Variants in IQGAP2 observed in about 807,000 individuals in gnomAD.
The protein encoded by IQGAP2 is ras GTPase-activating-like protein IQGAP2.
In IQGAP2, 173 loss-of-function variants were observed where a neutral mutation model predicts 201.3. The observed-to-expected ratio is 0.86, with a 90% CI of 0.76 to 0.98. The LOEUF (loss-of-function observed/expected upper bound fraction) is 0.98, where lower values mean the gene tolerates loss of function less well. IQGAP2 is among the 50% of genes least tolerant of loss of function. The pLI, the probability that IQGAP2 is intolerant of heterozygous loss-of-function variation, is 0.00. For missense variants in IQGAP2, 1,687 were observed against 1,864.8 expected (o/e 0.90, Z 1.76); for synonymous variants, 675 against 673.9 (o/e 1.00, Z -0.03).
chr5:76,573,770 C>A (rs1745280487), intron 4 of IQGAP2, among the ~76,000 whole-genome samples: 1 of 150,976 alleles, frequency 6.6e-6, no homozygotes, highest in Admixed American at 6.6e-5. Flanking sequence ...CTCCACCATG[C>A]CCAGCTATTT....
intron 2 of IQGAP2, among the ~76,000 whole-genome samples, chr5:76,539,039 A>C (rs1759782133): frequency 6.6e-6 from 1 of 152,172 alleles, no homozygotes; most frequent in South Asian, 2.1e-4. Context: ...GCCTGTGCAA[A>C]GGACAGCAGT....
At chr5:76,584,426 GAAAC>G (rs1484881949) in intron 5 of IQGAP2, among the ~76,000 whole-genome samples, 1 of 152,160 alleles carries the variant, frequency 6.6e-6, no homozygotes, top group East Asian at 1.9e-4. Context: ...GATTGACTGA[GAAAC>G]AAACTGGGAG....
At chr5:76,421,822 C>T (rs559799779) in intron 1 of IQGAP2, among the ~76,000 whole-genome samples, 54 of 152,228 alleles carry the variant, frequency 3.5e-4, no homozygotes, top group South Asian at 1.9e-3. Context: ...AACAGGCTGC[C>T]TCTTGGGGCA....
intron 2 of IQGAP2, among the ~76,000 whole-genome samples, chr5:76,557,085 A>ACTC (rs1744001635): frequency 6.6e-6 from 1 of 151,856 alleles, no homozygotes; most frequent in African/African-American, 2.4e-5. Flanking sequence ...AAGCCGTGGA[A>ACTC]CTCTACCGCT....
At chr5:76,468,108 A>G (rs1754884646) in intron 2 of IQGAP2, among the ~76,000 whole-genome samples, 1 of 152,232 alleles carries the variant, frequency 6.6e-6, no homozygotes, top group African/African-American at 2.4e-5. Context: ...TGTATGGTAT[A>G]TAAGTTGTAT....
chr5:76,690,306 A>G (rs2150530987), intron 30 of IQGAP2, among the ~76,000 whole-genome samples: 1 of 152,334 alleles, frequency 6.6e-6, no homozygotes, highest in South Asian at 2.1e-4. Context: ...TCACTTGGAA[A>G]AAGGAAAGAT....
intron 1 of IQGAP2, among the ~76,000 whole-genome samples, chr5:76,460,354 G>A (rs948312725): frequency 6.6e-6 from 1 of 152,156 alleles, no homozygotes; most frequent in Non-Finnish European, 1.5e-5. Context: ...CCTGGAACAC[G>A]GTGCTGCCTG....
At chr5:76,625,363 G>A (rs1026867536) in intron 13 of IQGAP2, among the ~76,000 whole-genome samples, 1 of 152,170 alleles carries the variant, frequency 6.6e-6, no homozygotes. Flanking sequence ...AACTCATAGA[G>A]CTTAGTTTTT....
intron 28 of IQGAP2, among the ~76,000 whole-genome samples, chr5:76,681,013 C>T (rs1580805725): frequency 7.4e-6 from 1 of 135,988 alleles, no homozygotes; most frequent in African/African-American, 2.8e-5. Flanking sequence ...GGCTGAGGCA[C>T]GAGAGTCACT....
chr5:76,626,250 T>C (rs1750211474), intron 13 of IQGAP2, among the ~76,000 whole-genome samples: 1 of 137,514 alleles, frequency 7.3e-6, no homozygotes, highest in Non-Finnish European at 1.5e-5. Context: ...TATAATTCTT[T>C]TTCTTTTTTT....
At chr5:76,599,637 C>T (rs1210936914) in intron 10 of IQGAP2, among the ~76,000 whole-genome samples, 1 of 151,952 alleles carries the variant, frequency 6.6e-6, no homozygotes, top group African/African-American at 2.4e-5. Flanking sequence ...CCCTTCTTCC[C>T]ATTTGCTTTG....
At position 76,698,037 on chromosome 5, in the gene IQGAP2, A is replaced by G. The variant is rs1256062142; in HGVS notation, c.4257A>G (p.Ala1419=). 1.2e-6 allele frequency: 2 copies of G among 1,613,346 alleles called. No individual in the cohort carries two copies. The highest frequency in any genetic ancestry group is 2.7e-5 in the African/African-American group (2 of 74,920). The change falls in exon 33 of 36, where the codon GCA becomes GCG. Residue 1419 remains alanine (A), a synonymous_variant. Coordinates refer to ENST00000274364, the MANE Select transcript of IQGAP2 (RefSeq NM_006633.5). ...IYRKLRKAEL[A]KLQQTLNALN... Reference sequence around the variant, plus strand: ...GTAAGCTTCGAAAAGCTGAATTGGCAAAACTTCAGCAGACCCTGAATGCAC... The same window carrying G: ...GTAAGCTTCGAAAAGCTGAATTGGCGAAACTTCAGCAGACCCTGAATGCAC...
chr5:76,677,802 C>CA (rs555378402), intron 28 of IQGAP2, among the ~76,000 whole-genome samples: 133 of 152,196 alleles, frequency 8.7e-4, no homozygotes, highest in Non-Finnish European at 1.3e-3. Flanking sequence ...TTTGGTGGTA[C>CA]ATGCCTGTAG....
intron 2 of IQGAP2, among the ~76,000 whole-genome samples, chr5:76,474,098 G>A (rs959715948): frequency 6.6e-6 from 1 of 152,180 alleles, no homozygotes; most frequent in Admixed American, 6.5e-5. Flanking sequence ...TTCTTTAACA[G>A]AGTCAAATCC....
intron 2 of IQGAP2, among the ~76,000 whole-genome samples, chr5:76,476,547 C>T (rs1326465072): frequency 2.0e-5 from 3 of 152,054 alleles, no homozygotes; most frequent in East Asian, 3.9e-4. Context: ...AGAATTACAA[C>T]GGGTCAGGAG....
At chr5:76,496,757 CTTTCTT>C (rs1561416479) in intron 2 of IQGAP2, among the ~76,000 whole-genome samples, 1 of 79,268 alleles carries the variant, frequency 1.3e-5, no homozygotes, top group Non-Finnish European at 2.5e-5. Flanking sequence ...TTCTTTCTTT[CTTTCTT>C]TCTTTCTTTC....
At chr5:76,413,415 C>T (rs1319905954) in intron 1 of IQGAP2, among the ~76,000 whole-genome samples, 6 of 152,072 alleles carry the variant, frequency 3.9e-5, no homozygotes, top group African/African-American at 9.7e-5. Flanking sequence ...GTGATCCATC[C>T]GTCTCGGCCT....
At chr5:76,670,968 C>T (rs1409599209) in intron 23 of IQGAP2, among the ~76,000 whole-genome samples, 1 of 152,146 alleles carries the variant, frequency 6.6e-6, no homozygotes, top group East Asian at 1.9e-4. Flanking sequence ...ATCTAAGAAA[C>T]ATACACGTTA....
At chr5:76,476,652 G>C (rs986715745) in intron 2 of IQGAP2, among the ~76,000 whole-genome samples, 11 of 152,170 alleles carry the variant, frequency 7.2e-5, no homozygotes, top group African/African-American at 1.9e-4. Context: ...ATGAGTTCTG[G>C]GGGGGTCAGG....
Sources: allele counts gnomAD v4.1 joint callset (sites outside exome capture counted in the v4.1 genomes callset), GRCh38; gene constraint gnomAD v4.1.1; transcripts MANE v1.5; gene names NCBI Gene and HGNC (gene_info 2026-07-23, HGNC 2026-07-21).